Variants in DPP10 observed in about 807,000 individuals in gnomAD.
The protein encoded by DPP10 is dipeptidyl peptidase like 10, also known as inactive dipeptidyl peptidase 10.
DPP10 carries 33 observed loss-of-function variants against 120.9 expected under a neutral mutation model. That is an observed-to-expected ratio of 0.27 (90% confidence interval 0.21 to 0.37). The LOEUF is 0.37. DPP10 is among the 10% of genes least tolerant of loss of function. The pLI is 1.00. For synonymous variants in DPP10, 337 were observed against 326.1 expected (o/e 1.03, Z -0.36); for missense variants, 816 against 942.8 (o/e 0.87, Z 1.76).
At chr2:114,918,547 G>A (rs1694968459) in intron 1 of DPP10, among the ~76,000 whole-genome samples, 2 of 152,070 alleles carry the variant, frequency 1.3e-5, no homozygotes, top group Non-Finnish European at 2.9e-5. Context: ...AATCAACCTT[G>A]ATGCCCACCA....
At chr2:114,444,123 C>T (rs1336708754) in intron 1 of DPP10, among the ~76,000 whole-genome samples, 1 of 152,158 alleles carries the variant, frequency 6.6e-6, no homozygotes, top group Non-Finnish European at 1.5e-5. Flanking sequence ...AGATAATTTA[C>T]ACCACCTCTA....
At chr2:115,429,780 G>A (rs1335746733) in intron 3 of DPP10, among the ~76,000 whole-genome samples, 1 of 152,146 alleles carries the variant, frequency 6.6e-6, no homozygotes, top group African/African-American at 2.4e-5. Context: ...ACAAGGTAAG[G>A]TAGATATGGG....
intron 7 of DPP10, among the ~76,000 whole-genome samples, chr2:115,699,261 G>C (rs1372127952): frequency 6.6e-6 from 1 of 152,144 alleles, no homozygotes; most frequent in East Asian, 1.9e-4. Flanking sequence ...AGTTAATATG[G>C]ATATTAATGC....
intron 1 of DPP10, among the ~76,000 whole-genome samples, chr2:114,459,375 A>G (rs1400640379): frequency 2.6e-5 from 4 of 152,210 alleles, no homozygotes; most frequent in African/African-American, 4.8e-5. Flanking sequence ...TCAGTGGTCC[A>G]TGCTATTAAT....
chr2:115,732,403 A>G (rs1312414541), intron 8 of DPP10, among the ~76,000 whole-genome samples: 1 of 152,166 alleles, frequency 6.6e-6, no homozygotes, highest in Non-Finnish European at 1.5e-5. Flanking sequence ...CTTTGTCTCT[A>G]TTTTTAGTAT....
chr2:115,781,804 T>C (rs1307314399), intron 16 of DPP10, among the ~76,000 whole-genome samples: 1 of 152,004 alleles, frequency 6.6e-6, no homozygotes, highest in East Asian at 1.9e-4. Context: ...AGAAGTGAAG[T>C]TTCAAGATAA....
At chr2:114,780,009 G>A (rs545125268) in intron 1 of DPP10, among the ~76,000 whole-genome samples, 78 of 152,138 alleles carry the variant, frequency 5.1e-4, no homozygotes, top group Non-Finnish European at 9.9e-4. Flanking sequence ...GGTGGTGGTC[G>A]CCTGTAGTCC....
intron 1 of DPP10, among the ~76,000 whole-genome samples, chr2:114,749,359 C>A (rs1236420979): frequency 6.6e-6 from 1 of 152,078 alleles, no homozygotes; most frequent in Non-Finnish European, 1.5e-5. Flanking sequence ...AGTTCCCAGC[C>A]ATGTCTTTTA....
At chr2:114,912,659 C>T (rs527861388) in intron 1 of DPP10, among the ~76,000 whole-genome samples, 23 of 152,048 alleles carry the variant, frequency 1.5e-4, no homozygotes, top group Non-Finnish European at 2.8e-4. Context: ...CAGGAGGAAG[C>T]TGAAAACCCT....
intron 2 of DPP10, among the ~76,000 whole-genome samples, chr2:115,332,866 CGGTGT>C (rs771658982): frequency 2.1e-4 from 32 of 151,962 alleles, no homozygotes; most frequent in Non-Finnish European, 4.1e-4. Flanking sequence ...ATTTTGGAAT[CGGTGT>C]GGTGTGGTGC....
intron 1 of DPP10, among the ~76,000 whole-genome samples, chr2:114,507,424 A>G (rs1258258489): frequency 1.3e-5 from 2 of 152,158 alleles, no homozygotes; most frequent in Non-Finnish European, 2.9e-5. Flanking sequence ...AAACAAGAAG[A>G]TTACACCATT....
chr2:115,004,963 T>G (rs915486934), intron 1 of DPP10, among the ~76,000 whole-genome samples: 1 of 151,872 alleles, frequency 6.6e-6, no homozygotes, highest in Non-Finnish European at 1.5e-5. Flanking sequence ...GACTTAAATG[T>G]CCCTGTCTGA....
chr2:115,384,193 C>G (rs1284990895), intron 3 of DPP10, among the ~76,000 whole-genome samples: 3 of 152,134 alleles, frequency 2.0e-5, no homozygotes, highest in Non-Finnish European at 4.4e-5. Context: ...CAGAGTTCCT[C>G]TTATGCAAGG....
At chr2:114,492,724 G>T (rs965240979) in intron 1 of DPP10, among the ~76,000 whole-genome samples, 2 of 152,256 alleles carry the variant, frequency 1.3e-5, no homozygotes, top group Admixed American at 6.5e-5. Flanking sequence ...TAGTGTTCTT[G>T]GCTCAGTCAG....
chr2:115,031,616 A>G (rs1292077539), intron 1 of DPP10, among the ~76,000 whole-genome samples: 2 of 152,182 alleles, frequency 1.3e-5, no homozygotes, highest in Non-Finnish European at 2.9e-5. Context: ...CCAAGAGAAG[A>G]GCTAAGGAAT....
At chr2:115,779,907 T>G (rs183150193) in intron 15 of DPP10, among the ~76,000 whole-genome samples, 10 of 152,148 alleles carry the variant, frequency 6.6e-5, no homozygotes, top group Middle Eastern at 3.4e-3. Flanking sequence ...CATCTCACAG[T>G]GTTTCAAATA....
chr2:115,153,029 G>C (rs1207066520), intron 1 of DPP10, among the ~76,000 whole-genome samples: 1 of 152,140 alleles, frequency 6.6e-6, no homozygotes, highest in Non-Finnish European at 1.5e-5. Flanking sequence ...CCACACAGTA[G>C]ATTGCAGTTT....
chr2:115,764,595 G>A (rs1367676968), intron 12 of DPP10, among the ~76,000 whole-genome samples: 1 of 152,044 alleles, frequency 6.6e-6, no homozygotes, highest in African/African-American at 2.4e-5. Flanking sequence ...ATTCATAATA[G>A]TTTAACATAT....
intron 1 of DPP10, among the ~76,000 whole-genome samples, chr2:115,102,153 C>T (rs1344865399): frequency 6.6e-6 from 1 of 152,190 alleles, no homozygotes; most frequent in African/African-American, 2.4e-5. Context: ...GTGAGGGCTT[C>T]CTTCCTGGCT....
Sources: gnomAD v4.1 joint callset for allele counts (sites outside exome capture counted in the v4.1 genomes callset) on GRCh38, gnomAD v4.1.1 for gene constraint, MANE v1.5 for transcripts, NCBI Gene and HGNC (gene_info 2026-07-23, HGNC 2026-07-21) for gene names.